Variants in PLEKHH2 observed in about 807,000 individuals in gnomAD.
The protein encoded by PLEKHH2 is pleckstrin homology domain-containing family H member 2.
Under a neutral mutation model 187.9 loss-of-function variants are expected in PLEKHH2, and 129 were observed. The ratio of observed to expected loss-of-function variants is 0.69; its 90% CI spans 0.59 to 0.79. PLEKHH2 has a LOEUF of 0.79. Ranked by LOEUF, PLEKHH2 falls within the 30% of genes least tolerant of loss-of-function variation. PLEKHH2 has a pLI of 0.00. For synonymous variants in PLEKHH2, 686 were observed against 605.6 expected (o/e 1.13, Z -1.95); for missense variants, 2,076 against 1,751.2 (o/e 1.19, Z -3.31).
In PLEKHH2 at chr2:43,742,775, C is replaced by T. The variant is rs765269949; in HGVS notation, c.3256C>T (p.Arg1086Cys). 5.0e-6 allele frequency: 8 copies of T among 1,596,440 alleles called. No individual in the cohort carries two copies. The highest frequency in any genetic ancestry group is 2.3e-5 in the South Asian group (2 of 87,132). ...TGGAAAATATGCCATTTACTGCCAG[C>T]GTTGTGTAGAAAGAACGCAACAAAA... is the stretch of plus-strand genomic sequence containing the variant. ...EFGKYAIYCQRCVERTQQNGD... is the reference protein window; with the variant it reads ...EFGKYAIYCQCCVERTQQNGD... Residue 1086 changes from arginine to cysteine, a missense_variant, in exon 22 of 30, where the codon CGT becomes TGT. Physicochemically the swap from Arg to Cys is radical, Grantham distance 180. Coordinates refer to ENST00000282406, the MANE Select transcript of PLEKHH2 (RefSeq NM_172069.4).
At chr2:43,670,977 A>AT (rs956071106) in intron 2 of PLEKHH2, among the ~76,000 whole-genome samples, 14 of 145,268 alleles carry the variant, frequency 9.6e-5, no homozygotes, top group African/African-American at 2.8e-4. Flanking sequence ...TATTGCTCTT[A>AT]TTTTTTTTTA....
intron 28 of PLEKHH2, 136 bp from the exon 29 acceptor site, chr2:43,764,087 CATTTT>C: frequency 2.1e-6 from 1 of 482,016 alleles, no homozygotes; most frequent in Admixed American, 4.3e-5. Flanking sequence ...GATCATAATA[CATTTT>C]ATTTTAGAAA....
In PLEKHH2 at chr2:43,765,782, T is replaced by G; in HGVS notation, c.*184T>G. ...TCAAATAAATATTAACAGTAAAACA[T>G]AAACACAAAATTTGCCAACACACTA... is the stretch of plus-strand genomic sequence containing the variant. On this transcript the variant is annotated 3_prime_UTR_variant, in exon 30 of 30. Transcript: ENST00000282406. The G allele has an allele frequency of 1.9e-6, 1 of 536,672 alleles. No homozygotes were observed. The highest frequency in any genetic ancestry group is 3.0e-6 in the Non-Finnish European group (1 of 335,240). The allele number at this position is 536,672 out of a possible 1,614,324, so 33.2% of individuals were successfully genotyped here.
intron 10 of PLEKHH2, 146 bp downstream of exon 10, chr2:43,706,562 C>T (rs1315797435): frequency 4.7e-6 from 3 of 636,970 alleles, no homozygotes; most frequent in South Asian, 2.1e-5. Flanking sequence ...GTTAACATAT[C>T]ATAAAAAAGA....
chr2:43,674,803 G>A (rs1356542520), intron 2 of PLEKHH2, among the ~76,000 whole-genome samples: 1 of 152,064 alleles, frequency 6.6e-6, no homozygotes, highest in Non-Finnish European at 1.5e-5. Context: ...TGACCAATAT[G>A]GTGAAACGCT....
intron 27 of PLEKHH2, among the ~76,000 whole-genome samples, chr2:43,759,248 T>C (rs1672335236): frequency 6.6e-6 from 1 of 152,224 alleles, no homozygotes; most frequent in Non-Finnish European, 1.5e-5. Flanking sequence ...CTTGGACTCA[T>C]TAGGTGAATC....
intron 20 of PLEKHH2, among the ~76,000 whole-genome samples, chr2:43,738,847 A>G (rs1346014997): frequency 6.6e-6 from 1 of 152,152 alleles, no homozygotes; most frequent in Non-Finnish European, 1.5e-5. Flanking sequence ...ATTAAGTACG[A>G]TACATTTCTA....
intron 2 of PLEKHH2, among the ~76,000 whole-genome samples, chr2:43,678,311 G>C (rs972589188): frequency 6.6e-6 from 1 of 152,144 alleles, no homozygotes; most frequent in Non-Finnish European, 1.5e-5. Context: ...ACGGGGTGGC[G>C]GCCGGGCAGA....
chr2:43,733,008 C>A (rs1408292420), intron 19 of PLEKHH2, among the ~76,000 whole-genome samples: 6 of 152,164 alleles, frequency 3.9e-5, no homozygotes, highest in African/African-American at 1.4e-4. Context: ...AGCAGAGAAA[C>A]TTACCTTCTA....
At chr2:43,716,809 G>A (rs571646013) in intron 15 of PLEKHH2, among the ~76,000 whole-genome samples, 1 of 152,004 alleles carries the variant, frequency 6.6e-6, no homozygotes, top group African/African-American at 2.4e-5. Context: ...GAAAATAGAG[G>A]GAATAATATA....
intron 19 of PLEKHH2, among the ~76,000 whole-genome samples, chr2:43,736,602 G>A (rs757201604): frequency 6.6e-6 from 1 of 152,120 alleles, no homozygotes; most frequent in Non-Finnish European, 1.5e-5. Flanking sequence ...GGGAGGCTGA[G>A]GTGGGTGTAT....
intron 15 of PLEKHH2, among the ~76,000 whole-genome samples, chr2:43,712,718 G>T (rs552046878): frequency 6.6e-6 from 1 of 151,962 alleles, no homozygotes; most frequent in Non-Finnish European, 1.5e-5. Flanking sequence ...TAATCAGTAA[G>T]CAAACAATGA....
rs753199147 is a variant in PLEKHH2 at position 43,678,889 on chromosome 2, T to C, written c.150T>C (p.Ile50=). The change falls in exon 3 of 30, where the codon ATT becomes ATC. Residue 50 remains isoleucine, a synonymous_variant. Transcript: ENST00000282406. ...TGCAACAGCTTGAGAGACAAGTTATTGATGCTGAACGTCAAGCAGAAAAAG... is the reference window on the plus strand; with the variant it reads ...TGCAACAGCTTGAGAGACAAGTTATCGATGCTGAACGTCAAGCAGAAAAAG... The part of the protein sequence containing the change: ...EKMQQLERQV[I]DAERQAEKAF... 3 of 1,608,064 alleles carry C rather than the reference T, an allele frequency of 1.9e-6. No individual in the cohort carries two copies. Among genetic ancestry groups the C allele is most frequent in the Non-Finnish European group, 2.6e-6 (3 of 1,176,140 alleles).
At chr2:43,727,080 G>T (rs1028424496) in intron 17 of PLEKHH2, among the ~76,000 whole-genome samples, 4 of 150,508 alleles carry the variant, frequency 2.7e-5, no homozygotes, top group Non-Finnish European at 4.4e-5. Flanking sequence ...TTTTAAAAAG[G>T]CCTTTATCTG....
Position 43,699,709 on chromosome 2 carries a change from A to T in PLEKHH2, c.751A>T (p.Thr251Ser). The T allele has an allele frequency of 6.2e-7, 1 of 1,614,240 alleles. No homozygotes were observed. Among genetic ancestry groups the T allele is most frequent in the Non-Finnish European group, 8.5e-7 (1 of 1,180,030 alleles). Residue 251 changes from threonine to serine, a missense_variant, in exon 8 of 30, where the codon ACA becomes TCA. Thr to Ser is a moderately conservative substitution (Grantham distance 58, BLOSUM62 1). Coordinates refer to ENST00000282406, the MANE Select transcript of PLEKHH2 (RefSeq NM_172069.4). ...QVLENNRGQRTLHQTPCGSEQ... is the reference protein window; with the variant it reads ...QVLENNRGQRSLHQTPCGSEQ... Reference sequence around the variant, plus strand: ...TCTAGAAAACAACAGAGGCCAGAGAACATTGCATCAAACCCCTTGTGGCTC... The same window carrying T: ...TCTAGAAAACAACAGAGGCCAGAGATCATTGCATCAAACCCCTTGTGGCTC...
chr2:43,653,680 C>A (rs1417435766), intron 2 of PLEKHH2, among the ~76,000 whole-genome samples: 1 of 152,182 alleles, frequency 6.6e-6, no homozygotes, highest in Admixed American at 6.5e-5. Flanking sequence ...TGGCACAGGT[C>A]AGTTCTGGGA....
chr2:43,653,633 C>T (rs1666596571), intron 2 of PLEKHH2, among the ~76,000 whole-genome samples: 1 of 152,114 alleles, frequency 6.6e-6, no homozygotes, highest in Non-Finnish European at 1.5e-5. Context: ...CCCAAGAAGT[C>T]AGCTGTGCCC....
chr2:43,736,213 G>T (rs1056388248), intron 19 of PLEKHH2, among the ~76,000 whole-genome samples: 5 of 152,146 alleles, frequency 3.3e-5, no homozygotes, highest in African/African-American at 4.8e-5. Flanking sequence ...TGATAAGATA[G>T]TGAGAGGTAC....
intron 1 of PLEKHH2, among the ~76,000 whole-genome samples, chr2:43,640,190 C>A (rs1432876507): frequency 6.8e-6 from 1 of 147,578 alleles, no homozygotes; most frequent in Non-Finnish European, 1.5e-5. Flanking sequence ...ACTCCAATAA[C>A]TTGGTAACTT....
Sources: gnomAD v4.1 joint callset for allele counts (sites outside exome capture counted in the v4.1 genomes callset) on GRCh38, gnomAD v4.1.1 for gene constraint, MANE v1.5 for transcripts, NCBI Gene and HGNC (gene_info 2026-07-23, HGNC 2026-07-21) for gene names.